The following TAFA1 variants were observed in gnomAD, a reference collection of about 807,000 sequenced individuals.
TAFA1 encodes chemokine-like protein TAFA-1.
TAFA1 carries 4 observed loss-of-function variants against 18.5 expected under a neutral mutation model. That is an observed-to-expected ratio of 0.22 (90% CI 0.11 to 0.49). TAFA1 has a LOEUF of 0.49. Among genes scored for constraint, TAFA1 ranks in the 20% least tolerant of loss-of-function variants. The pLI is 0.98. For missense variants in TAFA1, 147 were observed against 169.0 expected, an observed-to-expected ratio of 0.87 and a Z score of 0.72; for synonymous variants, 56 against 55.2, an observed-to-expected ratio of 1.01 and a Z score of -0.06.
chr3:68,139,441 G>A (rs1485651322), intron 2 of TAFA1, among the ~76,000 whole-genome samples: 2 of 152,154 alleles, frequency 1.3e-5, no homozygotes, highest in African/African-American at 2.4e-5. Context: ...TGGAAAACAA[G>A]TAACATTATG....
intron 2 of TAFA1, among the ~76,000 whole-genome samples, chr3:68,286,858 C>G (rs1255841264): frequency 6.6e-6 from 1 of 152,160 alleles, no homozygotes; most frequent in Non-Finnish European, 1.5e-5. Context: ...ATTATTTGTG[C>G]TGGTATAACA....
chr3:68,019,724 A>G (rs895999802), intron 2 of TAFA1, among the ~76,000 whole-genome samples: 3 of 152,138 alleles, frequency 2.0e-5, no homozygotes, highest in African/African-American at 7.2e-5. Context: ...ATATAATCAG[A>G]CCTGAAATTT....
At chr3:68,159,887 T>C (rs1273178593) in intron 2 of TAFA1, among the ~76,000 whole-genome samples, 1 of 152,252 alleles carries the variant, frequency 6.6e-6, no homozygotes, top group Non-Finnish European at 1.5e-5. Context: ...ATCCTCTTTC[T>C]GCTGCAAAAT....
chr3:68,414,178 A>G (rs541953631), intron 2 of TAFA1, among the ~76,000 whole-genome samples: 40 of 152,220 alleles, frequency 2.6e-4, no homozygotes, highest in African/African-American at 8.9e-4. Flanking sequence ...ATGGTGGTGC[A>G]TGCCTGTAAT....
At chr3:68,155,795 C>A (rs1291853888) in intron 2 of TAFA1, among the ~76,000 whole-genome samples, 1 of 152,114 alleles carries the variant, frequency 6.6e-6, no homozygotes, top group African/African-American at 2.4e-5. Flanking sequence ...CTCTTCATTT[C>A]TTGTAAACCT....
chr3:68,371,208 CT>C (rs1235849706), intron 2 of TAFA1, among the ~76,000 whole-genome samples: 3 of 152,000 alleles, frequency 2.0e-5, no homozygotes, highest in Non-Finnish European at 4.4e-5. Context: ...ATTCTTATTT[CT>C]TTTTTTCATT....
chr3:68,388,884 A>G (rs930883004), intron 2 of TAFA1, among the ~76,000 whole-genome samples: 5 of 152,208 alleles, frequency 3.3e-5, no homozygotes, highest in Non-Finnish European at 7.3e-5. Flanking sequence ...GTGATTAGCC[A>G]TTAATACTTC....
At chr3:68,094,423 T>A (rs1345633973) in intron 2 of TAFA1, among the ~76,000 whole-genome samples, 3 of 152,164 alleles carry the variant, frequency 2.0e-5, no homozygotes, top group African/African-American at 7.2e-5. Flanking sequence ...CTCCAGTTCC[T>A]GGAACACAGT....
At chr3:68,293,658 G>A (rs973266036) in intron 2 of TAFA1, among the ~76,000 whole-genome samples, 2 of 152,214 alleles carry the variant, frequency 1.3e-5, no homozygotes, top group African/African-American at 4.8e-5. Context: ...CCTGGCACAT[G>A]TGCTTGATCA....
chr3:68,107,795 G>A (rs1472707249), intron 2 of TAFA1, among the ~76,000 whole-genome samples: 1 of 152,102 alleles, frequency 6.6e-6, no homozygotes, highest in East Asian at 1.9e-4. Context: ...ACAGAGTCTA[G>A]TTTTAAATCC....
chr3:68,475,002 G>T (rs570415835), intron 3 of TAFA1, among the ~76,000 whole-genome samples: 1 of 151,894 alleles, frequency 6.6e-6, no homozygotes, highest in African/African-American at 2.4e-5. Flanking sequence ...AGCTAAGATC[G>T]TACTTCTTTA....
chr3:68,109,786 G>C (rs912096781), intron 2 of TAFA1, among the ~76,000 whole-genome samples: 1 of 152,084 alleles, frequency 6.6e-6, no homozygotes, highest in African/African-American at 2.4e-5. Context: ...AGTTATTTCA[G>C]TATGTTTAGA....
At chr3:68,337,594 T>C (rs2068996099) in intron 2 of TAFA1, among the ~76,000 whole-genome samples, 1 of 152,212 alleles carries the variant, frequency 6.6e-6, no homozygotes, top group Admixed American at 6.5e-5. Context: ...TCACCAAAAT[T>C]CAGGTAATAA....
intron 2 of TAFA1, among the ~76,000 whole-genome samples, chr3:68,041,618 G>A (rs1224579460): frequency 6.6e-6 from 1 of 152,196 alleles, no homozygotes; most frequent in African/African-American, 2.4e-5. Context: ...TTGAGTGTCT[G>A]CTATGTTAGG....
intron 3 of TAFA1, among the ~76,000 whole-genome samples, chr3:68,526,100 T>C (rs2106762417): frequency 6.6e-6 from 1 of 152,328 alleles, no homozygotes; most frequent in East Asian, 1.9e-4. Context: ...TCTCTCCTAG[T>C]TGGTATCAAT....
At chr3:68,113,015 C>T (rs2065278988) in intron 2 of TAFA1, among the ~76,000 whole-genome samples, 1 of 152,080 alleles carries the variant, frequency 6.6e-6, no homozygotes, top group African/African-American at 2.4e-5. Flanking sequence ...TTTTTACACT[C>T]AATGTCGTGT....
intron 4 of TAFA1, among the ~76,000 whole-genome samples, chr3:68,540,666 C>T (rs2073357512): frequency 6.6e-6 from 1 of 152,158 alleles, no homozygotes; most frequent in Admixed American, 6.5e-5. Context: ...GTCTTATTCT[C>T]ATGGTGTCTC....
At chr3:68,054,395 C>G (rs1404556586) in intron 2 of TAFA1, among the ~76,000 whole-genome samples, 2 of 152,194 alleles carry the variant, frequency 1.3e-5, no homozygotes, top group Non-Finnish European at 2.9e-5. Context: ...TCCAGCTCCC[C>G]TTCACCTTCT....
At chr3:68,300,721 A>G (rs2106641962) in intron 2 of TAFA1, among the ~76,000 whole-genome samples, 1 of 152,228 alleles carries the variant, frequency 6.6e-6, no homozygotes, top group East Asian at 1.9e-4. Flanking sequence ...GACCAGGTGG[A>G]GGTAATTGAA....
Sources: gnomAD v4.1 joint callset for allele counts (sites outside exome capture counted in the v4.1 genomes callset) on GRCh38, gnomAD v4.1.1 for gene constraint, MANE v1.5 for transcripts, NCBI Gene and HGNC (gene_info 2026-07-23, HGNC 2026-07-21) for gene names.